UTRN: variants seen among roughly 807,000 people sequenced by gnomAD.
The protein encoded by UTRN is utrophin, also known as dystrophin-related protein 1.
A neutral mutation model predicts 463.9 loss-of-function variants in UTRN; 283 were observed. The ratio of observed to expected loss-of-function variants is 0.61; its 90% CI spans 0.55 to 0.67. The LOEUF (loss-of-function observed/expected upper bound fraction) is 0.67. UTRN is among the 30% of genes least tolerant of loss of function. The pLI, the probability that UTRN is intolerant of heterozygous loss-of-function variation, is 0.00. For missense variants in UTRN, 3,922 were observed against 4,084.3 expected (o/e 0.96, Z 1.08); for synonymous variants, 1,442 against 1,431.5 (o/e 1.01, Z -0.17).
chr6:144,339,938 T>C (rs187904894), intron 2 of UTRN, among the ~76,000 whole-genome samples: 1 of 152,278 alleles, frequency 6.6e-6, no homozygotes, highest in Admixed American at 6.5e-5. Flanking sequence ...GAGGCCAAGG[T>C]GGACAGATCG....
At chr6:144,344,772 A>C (rs573453409) in intron 2 of UTRN, among the ~76,000 whole-genome samples, 40 of 152,324 alleles carry the variant, frequency 2.6e-4, no homozygotes, top group African/African-American at 8.4e-4. Context: ...TGACCTGAGA[A>C]AGGGGAGAAT....
intron 51 of UTRN, among the ~76,000 whole-genome samples, chr6:144,590,873 CACGCACAT>C (rs1195978015): frequency 2.5e-5 from 3 of 121,364 alleles, no homozygotes; most frequent in Non-Finnish European, 4.9e-5. Flanking sequence ...CACACACACA[CACGCACAT>C]GCACACACAC....
At chr6:144,355,983 G>A (rs1376305115) in intron 2 of UTRN, among the ~76,000 whole-genome samples, 3 of 152,166 alleles carry the variant, frequency 2.0e-5, no homozygotes, top group Non-Finnish European at 2.9e-5. Context: ...ATTCTTATAT[G>A]TAGTCATAGT....
intron 50 of UTRN, among the ~76,000 whole-genome samples, chr6:144,558,458 C>T (rs1032075585): frequency 3.3e-5 from 5 of 152,036 alleles, no homozygotes; most frequent in Non-Finnish European, 7.4e-5. Context: ...GATATCATAA[C>T]TCAGGCAGGG....
chr6:144,372,907 C>G (rs1278325316), intron 2 of UTRN, among the ~76,000 whole-genome samples: 1 of 152,064 alleles, frequency 6.6e-6, no homozygotes, highest in Non-Finnish European at 1.5e-5. Flanking sequence ...TAATTATTGC[C>G]CATGAAAAGA....
intron 2 of UTRN, among the ~76,000 whole-genome samples, chr6:144,400,981 T>C (rs1782890099): frequency 6.6e-6 from 1 of 152,206 alleles, no homozygotes; most frequent in Admixed American, 6.5e-5. Context: ...CTTTGCCCAC[T>C]TTATATCTGG....
chr6:144,727,009 C>G (rs1215217360), intron 53 of UTRN, among the ~76,000 whole-genome samples: 2 of 152,204 alleles, frequency 1.3e-5, no homozygotes, highest in Non-Finnish European at 2.9e-5. Context: ...TCCCCACACC[C>G]CTGCACAATG....
chr6:144,632,019 G>C (rs949685846), intron 51 of UTRN, among the ~76,000 whole-genome samples: 3 of 152,088 alleles, frequency 2.0e-5, no homozygotes, highest in African/African-American at 7.2e-5. Context: ...GAAGCGCCAG[G>C]GTCCATCAAA....
chr6:144,488,640 G>A, intron 29 of UTRN, 33 bp from the exon 30 acceptor site: 1 of 1,602,342 alleles, frequency 6.2e-7, no homozygotes, highest in South Asian at 1.1e-5. Context: ...ATTTGTGTTG[G>A]GCAACTAATG....
In UTRN at chr6:144,637,674, C is replaced by T. The variant is rs17073995; in HGVS notation, c.7480-40732C>T. Among the ~76,000 whole-genome samples, 7,368 of 151,566 alleles carry T rather than the reference C, an allele frequency of 0.049. 801 individuals are homozygous for T. The East Asian group carries it at 0.52, about 11-fold the overall frequency. On this transcript the variant is annotated intron_variant, in intron 51 of 74. Transcript: ENST00000367545. ...AAAAAAGAAATGGTGTTTTTCTGTACGTGGCATATGTTTCAACATCTTGCC... is the reference window on the plus strand; with the variant it reads ...AAAAAAGAAATGGTGTTTTTCTGTATGTGGCATATGTTTCAACATCTTGCC...
At chr6:144,348,698 G>A (rs1259187904) in intron 2 of UTRN, among the ~76,000 whole-genome samples, 4 of 152,160 alleles carry the variant, frequency 2.6e-5, no homozygotes, top group Non-Finnish European at 5.9e-5. Flanking sequence ...ACTTTGGGAG[G>A]CCGAGGCGGG....
intron 23 of UTRN, among the ~76,000 whole-genome samples, chr6:144,470,567 T>C (rs1371931469): frequency 6.7e-6 from 1 of 148,372 alleles, no homozygotes; most frequent in South Asian, 2.1e-4. Flanking sequence ...GAAGAGGCGC[T>C]CCTCACTTCC....
intron 51 of UTRN, among the ~76,000 whole-genome samples, chr6:144,668,783 G>A (rs1780690038): frequency 6.6e-6 from 1 of 152,056 alleles, no homozygotes. Flanking sequence ...TTATTGTCAG[G>A]GTTAGGGGTT....
chr6:144,344,453 C>A, intron 2 of UTRN: 1 of 921,686 alleles, frequency 1.1e-6, no homozygotes, highest in Non-Finnish European at 1.5e-6. Context: ...TTCCTGCTGC[C>A]ACGTCTGTTG....
At position 144,542,820 on chromosome 6, in the gene UTRN, T is replaced by A. The variant is rs1211789450; in HGVS notation, c.6545T>A (p.Leu2182Gln). 6.2e-7 allele frequency: 1 copy of A among 1,613,816 alleles called. No homozygotes were observed. The highest frequency in any genetic ancestry group is 8.5e-7 in the Non-Finnish European group (1 of 1,179,872). The change falls in exon 46 of 75, where the codon CTG becomes CAG. Residue 2182 changes from leucine (L) to glutamine (Q), a missense_variant. Leu to Gln is a moderately radical substitution (Grantham distance 113). Transcript: ENST00000367545. Reference protein sequence around the residue: ...NKICREVPTTLKECIQEPSSV... With the variant: ...NKICREVPTTQKECIQEPSSV... Reference sequence around the variant, plus strand: ...ATTTGCAGAGAGGTGCCTACCACCCTGAAGGAATGCATCCAGGAGCCCAGT... The same window carrying A: ...ATTTGCAGAGAGGTGCCTACCACCCAGAAGGAATGCATCCAGGAGCCCAGT...
intron 51 of UTRN, among the ~76,000 whole-genome samples, chr6:144,675,678 A>T (rs1170452154): frequency 6.6e-6 from 1 of 152,194 alleles, no homozygotes; most frequent in Non-Finnish European, 1.5e-5. Flanking sequence ...ATGAGTACTC[A>T]GGTCATCTCA....
intron 51 of UTRN, among the ~76,000 whole-genome samples, chr6:144,606,121 A>G (rs973878339): frequency 6.6e-6 from 1 of 152,178 alleles, no homozygotes; most frequent in Admixed American, 6.5e-5. Flanking sequence ...CAATGCAGTG[A>G]TTGGTGATCA....
intron 51 of UTRN, among the ~76,000 whole-genome samples, chr6:144,662,094 A>G (rs1308749419): frequency 6.6e-6 from 1 of 152,082 alleles, no homozygotes. Flanking sequence ...TTCTCCATAT[A>G]TGTGTATTTT....
intron 53 of UTRN, chr6:144,708,323 T>G (rs994127058): frequency 1.5e-6 from 1 of 667,348 alleles, no homozygotes; most frequent in Non-Finnish European, 2.9e-6. Flanking sequence ...AACCAAGAAG[T>G]CTTCTGTATT....
Sources: allele counts gnomAD v4.1 joint callset (sites outside exome capture counted in the v4.1 genomes callset), GRCh38; gene constraint gnomAD v4.1.1; transcripts MANE v1.5; gene names NCBI Gene and HGNC (gene_info 2026-07-23, HGNC 2026-07-21).